Variants in PCDH15 observed in about 807,000 individuals in gnomAD.
PCDH15 encodes protocadherin-15.
Under a neutral mutation model 178.5 loss-of-function variants are expected in PCDH15, and 129 were observed. That is an observed-to-expected ratio of 0.72 (90% CI 0.63 to 0.84). The LOEUF is 0.84. Ranked by LOEUF, PCDH15 falls within the 40% of genes least tolerant of loss-of-function variation. The probability of loss-of-function intolerance (pLI) is 0.00; values close to 1 mark genes in which losing one functional copy is unlikely to be tolerated. For missense variants in PCDH15, 2,230 were observed against 2,099.9 expected (o/e 1.06, Z -1.21); for synonymous variants, 800 against 732.0 (o/e 1.09, Z -1.50).
intron 3 of PCDH15, among the ~76,000 whole-genome samples, chr10:54,845,173 G>A (rs1468378303): frequency 6.7e-6 from 1 of 149,980 alleles, no homozygotes; most frequent in Non-Finnish European, 1.5e-5. Context: ...TTACCTGAAT[G>A]TTCATTATGT....
chr10:54,032,539 A>T (rs201099978), intron 18 of PCDH15, among the ~76,000 whole-genome samples: 8 of 151,984 alleles, frequency 5.3e-5, no homozygotes, highest in East Asian at 3.9e-4. Flanking sequence ...ACCCAAACAC[A>T]TGAAGAAATA....
intron 2 of PCDH15, among the ~76,000 whole-genome samples, chr10:55,094,171 A>G (rs1219741982): frequency 1.3e-5 from 2 of 152,226 alleles, no homozygotes; most frequent in Non-Finnish European, 2.9e-5. Flanking sequence ...GACTGGATTA[A>G]GAACATGTGG....
intron 1 of PCDH15, among the ~76,000 whole-genome samples, chr10:55,231,091 A>G (rs1841204748): frequency 6.6e-6 from 1 of 152,012 alleles, no homozygotes; most frequent in South Asian, 2.1e-4. Flanking sequence ...TGAAGAATAA[A>G]CTAATATACG....
intron 2 of PCDH15, among the ~76,000 whole-genome samples, chr10:55,004,823 T>C (rs1402170824): frequency 6.6e-6 from 1 of 152,164 alleles, no homozygotes; most frequent in South Asian, 2.1e-4. Context: ...ATAACATCAG[T>C]TATAATTTCT....
chr10:55,529,413 G>C (rs566920789), intron 2 of PCDH15, among the ~76,000 whole-genome samples: 1 of 151,588 alleles, frequency 6.6e-6, no homozygotes, highest in African/African-American at 2.4e-5. Flanking sequence ...ATGAAGTCCT[G>C]CTATGTTGCT....
chr10:53,851,101 T>C (rs1421049303), intron 28 of PCDH15, among the ~76,000 whole-genome samples: 1 of 152,130 alleles, frequency 6.6e-6, no homozygotes, highest in Non-Finnish European at 1.5e-5. Flanking sequence ...CAGTTCTCTA[T>C]CAGGAATTGT....
intron 2 of PCDH15, among the ~76,000 whole-genome samples, chr10:55,040,066 T>A (rs1840827934): frequency 6.6e-6 from 1 of 151,934 alleles, no homozygotes; most frequent in Non-Finnish European, 1.5e-5. Context: ...ATATATTAAA[T>A]TATAAAAATA....
chr10:55,211,421 G>A (rs1055697657), intron 1 of PCDH15, among the ~76,000 whole-genome samples: 1 of 152,002 alleles, frequency 6.6e-6, no homozygotes, highest in Non-Finnish European at 1.5e-5. Flanking sequence ...CATTTCCAAT[G>A]ATAAAACACA....
rs921040959 is a variant in PCDH15, at chr10:54,155,049, C to T, written c.1591-1756G>A. On this transcript the variant is annotated intron_variant, in intron 13 of 37. Transcript: ENST00000644397. ...TATACTTAAATCACTTAAAATGTCT[C>T]AGGAAATCTTAATTAAAATTTAGCA... Among the ~76,000 whole-genome samples, 5 of 152,234 alleles carry T rather than the reference C, an allele frequency of 3.3e-5. No homozygotes were observed. The East Asian group carries it at 5.8e-4, about 18-fold the overall frequency.
intron 2 of PCDH15, among the ~76,000 whole-genome samples, chr10:55,147,813 CCTCCTT>C (rs1464961635): frequency 1.6e-5 from 2 of 126,798 alleles, no homozygotes. Context: ...TTATGTTCCT[CCTCCTT>C]CTCCTCTTCC....
chr10:54,795,045 C>T (rs1231258086), intron 1 of PCDH15, among the ~76,000 whole-genome samples: 2 of 151,832 alleles, frequency 1.3e-5, no homozygotes, highest in Non-Finnish European at 2.9e-5. Context: ...TCATATTATA[C>T]ATTTTCACTT....
intron 2 of PCDH15, among the ~76,000 whole-genome samples, chr10:55,489,749 A>G (rs559014307): frequency 2.0e-5 from 3 of 151,816 alleles, no homozygotes; most frequent in African/African-American, 7.2e-5. Flanking sequence ...TGGCTTGGGT[A>G]GTAAATATTA....
intron 3 of PCDH15, among the ~76,000 whole-genome samples, chr10:54,440,654 TA>T (rs2075741648): frequency 6.6e-6 from 1 of 151,952 alleles, no homozygotes; most frequent in African/African-American, 2.4e-5. Context: ...GGTTGTCCAT[TA>T]AAAAACAATT....
At chr10:54,295,149 C>A (rs1209899114) in intron 8 of PCDH15, among the ~76,000 whole-genome samples, 1 of 151,976 alleles carries the variant, frequency 6.6e-6, no homozygotes, top group East Asian at 1.9e-4. Context: ...AGAGGTGAAG[C>A]CAGCTGAGCT....
intron 2 of PCDH15, among the ~76,000 whole-genome samples, chr10:55,442,485 A>ATATATATATAT (rs1554869646): frequency 3.3e-5 from 3 of 91,744 alleles, no homozygotes. Context: ...TATATATTAT[A>ATATATATATAT]TATATATATA....
chr10:54,178,842 G>C (rs2047697220), intron 13 of PCDH15, among the ~76,000 whole-genome samples: 1 of 152,124 alleles, frequency 6.6e-6, no homozygotes, highest in African/African-American at 2.4e-5. Context: ...GGCCATCAGA[G>C]AAATGCAAAT....
chr10:54,439,979 A>G (rs754078795), intron 3 of PCDH15, among the ~76,000 whole-genome samples: 1 of 152,200 alleles, frequency 6.6e-6, no homozygotes, highest in East Asian at 1.9e-4. Context: ...ACCTTGCAAC[A>G]TAAAACCTGA....
intron 15 of PCDH15, among the ~76,000 whole-genome samples, chr10:54,113,647 C>T (rs1171518868): frequency 1.3e-5 from 2 of 151,912 alleles, no homozygotes; most frequent in Admixed American, 6.6e-5. Context: ...CAGACACACA[C>T]ACACACACAC....
intron 2 of PCDH15, among the ~76,000 whole-genome samples, chr10:55,425,852 G>T (rs958030046): frequency 2.2e-4 from 33 of 152,118 alleles, no homozygotes; most frequent in Non-Finnish European, 2.8e-4. Flanking sequence ...TCAAACTTAT[G>T]ACACAAAATG....
Sources: gnomAD v4.1 joint callset for allele counts (sites outside exome capture counted in the v4.1 genomes callset) on GRCh38, gnomAD v4.1.1 for gene constraint, MANE v1.5 for transcripts, NCBI Gene and HGNC (gene_info 2026-07-23, HGNC 2026-07-21) for gene names.